GLYATL1: variants seen among roughly 807,000 people sequenced by gnomAD.
GLYATL1 encodes glycine-N-acyltransferase like 1.
A neutral mutation model predicts 20.0 loss-of-function variants in GLYATL1; 15 were observed. The ratio of observed to expected loss-of-function variants is 0.75; its 90% CI spans 0.50 to 1.15. The LOEUF (loss-of-function observed/expected upper bound fraction) is 1.15, where lower values mean the gene tolerates loss of function less well. GLYATL1 is among the 50% of genes most tolerant of loss of function. The pLI is 0.00. For synonymous variants in GLYATL1, 151 were observed against 131.5 expected, an observed-to-expected ratio of 1.15 and a Z score of -1.01; for missense variants, 380 against 368.5, an observed-to-expected ratio of 1.03 and a Z score of -0.26.
chr11:58,944,773 T>A (rs1856444234), intron 2 of GLYATL1, among the ~76,000 whole-genome samples: 1 of 152,134 alleles, frequency 6.6e-6, no homozygotes, highest in African/African-American at 2.4e-5. Flanking sequence ...TTACAGACTG[T>A]CATTCACAAA....
At chr11:58,909,988 CA>C (rs1855000382), downstream of GLYATL1, among the ~76,000 whole-genome samples, 1 of 152,132 alleles carries the variant, frequency 6.6e-6, no homozygotes, top group South Asian at 2.1e-4. Context: ...GCAGTAATAT[CA>C]GATGTTTTAT....
At position 58,955,330 on chromosome 11, in the gene GLYATL1, C is replaced by G; in HGVS notation, c.468C>G (p.Gly156=). ...AGCTTGGAAGCTGGGCTGAGACAGG[C>G]CACCCAGATGATGAATTTGAAAGGT... ...KSKLGSWAET[G]HPDDEFESET... Residue 156 remains glycine, a synonymous_variant, in exon 6 of 7, where the codon GGC becomes GGG. Transcript: ENST00000532726. The G allele has an allele frequency of 5.0e-6, 8 of 1,613,344 alleles. No homozygotes were observed. The highest frequency in any genetic ancestry group is 6.8e-6 in the Non-Finnish European group (8 of 1,179,694).
In GLYATL1 at chr11:58,955,936, C is replaced by G. The variant is rs762979843; in HGVS notation, c.818C>G (p.Ser273Cys). ...YISVLEENED[S>C]RRFVGQFGFF... is the part of the protein sequence containing the mutation. ...TCTGTGTTGGAAGAAAATGAAGACT[C>G]CCGCAGATTTGTGGGGCAGTTTGGT... The change falls in exon 7 of 7, where the codon TCC becomes TGC. Residue 273 changes from serine (S) to cysteine (C), a missense_variant. By Grantham distance (112) the Ser-to-Cys change is moderately radical (BLOSUM62 -1). Transcript: ENST00000532726. The G allele has an allele frequency of 6.2e-7, 1 of 1,614,182 alleles. No homozygotes were observed. The highest frequency in any genetic ancestry group is 8.5e-7 in the Non-Finnish European group (1 of 1,180,022).
chr11:58,943,479 A>C, intron 1 of GLYATL1, 64 bp from the exon 2 acceptor site: 1 of 1,540,338 alleles, frequency 6.5e-7, no homozygotes. Flanking sequence ...CCGGATTCAC[A>C]AATTGTTTGT....
chr11:58,956,245 T>G lies in GLYATL1; in HGVS notation c.*218T>G. The G allele has an allele frequency of 1.8e-6, 1 of 552,838 alleles. No individual in the cohort carries two copies. Among genetic ancestry groups the G allele is most frequent in the Non-Finnish European group, 3.2e-6 (1 of 313,034 alleles). The allele number at this position is 552,838 out of a possible 1,614,324, so 34.2% of individuals were successfully genotyped here. On this transcript the variant is annotated 3_prime_UTR_variant, in exon 7 of 7. Transcript: ENST00000532726. ...GGAGGGTATATTCTTTAAATATGCTTAAGTGTTATAGGGAAAGACGGGGTT... is the reference window on the plus strand; with the variant it reads ...GGAGGGTATATTCTTTAAATATGCTGAAGTGTTATAGGGAAAGACGGGGTT...
Position 58,955,874 on chromosome 11 carries a change from G to A in GLYATL1, c.756G>A (p.Met252Ile). 1 of 1,614,218 alleles carries A rather than the reference G, an allele frequency of 6.2e-7. No homozygotes were observed. Among genetic ancestry groups the A allele is most frequent in the Admixed American group, 1.7e-5 (1 of 60,034 alleles). ...TGGCACGAGTGATGGTGCGATACAT[G>A]AAATATCTGCGTCAGAAGAATATTC... ...GNMARVMVRY[M>I]KYLRQKNIPF... The change falls in exon 7 of 7, where the codon ATG (methionine) becomes ATA (isoleucine). Residue 252 changes from methionine to isoleucine, a missense_variant. By Grantham distance (10) the Met-to-Ile change is conservative (BLOSUM62 1). Transcript: ENST00000532726.
upstream of GLYATL1, among the ~76,000 whole-genome samples, chr11:58,936,073 A>G (rs969910641): frequency 6.6e-6 from 1 of 152,234 alleles, no homozygotes; most frequent in Non-Finnish European, 1.5e-5. Context: ...ATAATAAGAG[A>G]AATAATATGT....
chr11:58,930,804 A>C (rs79242062), intron 1 of GLYATL1, among the ~76,000 whole-genome samples: 1,670 of 152,342 alleles, frequency 0.011, 38 homozygotes, highest in African/African-American at 0.038. Flanking sequence ...ACAGAAAAAT[A>C]TACCATTGGA....
exon 2 of GLYATL1, chr11:58,908,378 T>G (rs906414447): frequency 6.5e-6 from 1 of 153,556 alleles, no homozygotes; most frequent in African/African-American, 2.4e-5. Flanking sequence ...TTTGTTTTTT[T>G]AGACATTTAA....
intron 4 of GLYATL1, among the ~76,000 whole-genome samples, chr11:58,950,025 G>A (rs1384661170): frequency 7.0e-6 from 1 of 143,674 alleles, no homozygotes; most frequent in Non-Finnish European, 1.5e-5. Flanking sequence ...TACACAGAAG[G>A]AATCCCAGCA....
chr11:58,908,507 C>A, exon 2 of GLYATL1: 1 of 212,820 alleles, frequency 4.7e-6, no homozygotes, highest in Non-Finnish European at 1.0e-5. Context: ...TCATTTAGTG[C>A]TACAGAGGAT....
intron 3 of GLYATL1, 57 bp downstream of exon 3, chr11:58,947,222 T>G: frequency 6.4e-7 from 1 of 1,572,976 alleles, no homozygotes; most frequent in South Asian, 1.2e-5. Context: ...GATGAGAAAA[T>G]AGCAGGCTTG....
downstream of GLYATL1, among the ~76,000 whole-genome samples, chr11:58,910,509 G>A (rs1454040614): frequency 6.6e-6 from 1 of 152,126 alleles, no homozygotes. Context: ...AATACATGTG[G>A]CTGTGGTATT....
intron 1 of GLYATL1, among the ~76,000 whole-genome samples, chr11:58,922,168 C>T (rs1010997678): frequency 6.6e-6 from 1 of 152,184 alleles, no homozygotes; most frequent in African/African-American, 2.4e-5. Context: ...ACTGTGCCTG[C>T]AGGTGCATTG....
upstream of GLYATL1, among the ~76,000 whole-genome samples, chr11:58,925,601 G>GGT (rs767404558): frequency 6.1e-4 from 93 of 151,544 alleles, no homozygotes; most frequent in Non-Finnish European, 1.1e-3. Context: ...TCTTTCTAGG[G>GGT]GTGGACATAT....
downstream of GLYATL1, among the ~76,000 whole-genome samples, chr11:58,912,360 A>G (rs913451531): frequency 3.9e-5 from 6 of 152,216 alleles, no homozygotes; most frequent in Non-Finnish European, 8.8e-5. Flanking sequence ...GTCAACTGTT[A>G]GTGGCTCCTC....
At chr11:58,922,904 C>G (rs182145457), upstream of GLYATL1, among the ~76,000 whole-genome samples, 1 of 152,294 alleles carries the variant, frequency 6.6e-6, no homozygotes, top group East Asian at 1.9e-4. Context: ...CCAATTGTTT[C>G]CCTATCTATA....
At chr11:58,909,526 C>T (rs1004332777), downstream of GLYATL1, among the ~76,000 whole-genome samples, 2 of 152,234 alleles carry the variant, frequency 1.3e-5, no homozygotes, top group African/African-American at 2.4e-5. Context: ...ACATTAGTTA[C>T]GCATTCTGTA....
rs991181457 is a variant in GLYATL1 at position 58,951,936 on chromosome 11, T to C, written c.187-2834T>C. ...CGAAGTCTCTTGGATTTTCTAAATG[T>C]GTAATACTGTAATCTACAAACAAAG... On this transcript the variant is annotated intron_variant, in intron 4 of 6. Transcript: ENST00000532726. 6.6e-5 allele frequency among the ~76,000 whole-genome samples: 10 copies of C among 152,282 alleles called. No individual in the cohort carries two copies. In the East Asian group the frequency reaches 1.7e-3, roughly 26 times the overall value.
Sources: allele counts gnomAD v4.1 joint callset (sites outside exome capture counted in the v4.1 genomes callset), GRCh38; gene constraint gnomAD v4.1.1; transcripts MANE v1.5; gene names NCBI Gene and HGNC (gene_info 2026-07-23, HGNC 2026-07-21).